The following CSMD1 variants were observed in gnomAD, a reference collection of about 807,000 sequenced individuals.
The protein encoded by CSMD1 is CUB and sushi domain-containing protein 1.
A neutral mutation model predicts 417.5 loss-of-function variants in CSMD1; 213 were observed. The ratio of observed to expected loss-of-function variants is 0.51; its 90% CI spans 0.46 to 0.57. The LOEUF is 0.57. CSMD1 is among the 20% of genes least tolerant of loss of function. The pLI, the probability that CSMD1 is intolerant of heterozygous loss-of-function variation, is 0.00. For synonymous variants in CSMD1, 2,862 were observed against 1,736.8 expected (o/e 1.65, Z -16.11); for missense variants, 6,923 against 4,529.7 (o/e 1.53, Z -15.17).
intron 29 of CSMD1, among the ~76,000 whole-genome samples, chr8:3,217,917 A>T (rs891344474): frequency 1.3e-5 from 2 of 152,190 alleles, no homozygotes; most frequent in Non-Finnish European, 1.5e-5. Context: ...TTCATTTTTT[A>T]AAGAAAACCC....
intron 1 of CSMD1, among the ~76,000 whole-genome samples, chr8:4,989,216 C>A (rs550110085): frequency 1.3e-5 from 2 of 151,842 alleles, no homozygotes; most frequent in Non-Finnish European, 2.9e-5. Context: ...TCAGTAGAGC[C>A]GAAACATCTA....
chr8:4,520,199 C>G (rs1032908242), intron 2 of CSMD1, among the ~76,000 whole-genome samples: 1 of 152,108 alleles, frequency 6.6e-6, no homozygotes, highest in Non-Finnish European at 1.5e-5. Context: ...AATGCAATAT[C>G]GTGGCAGAAA....
intron 3 of CSMD1, among the ~76,000 whole-genome samples, chr8:4,038,232 T>A (rs998615037): frequency 6.6e-6 from 1 of 152,132 alleles, no homozygotes; most frequent in African/African-American, 2.4e-5. Flanking sequence ...AAAATTTTAA[T>A]GGGAACAATG....
chr8:3,220,785 C>G (rs566283684), intron 28 of CSMD1, among the ~76,000 whole-genome samples: 3 of 152,242 alleles, frequency 2.0e-5, no homozygotes, highest in East Asian at 3.9e-4. Flanking sequence ...GAGTCAAGAT[C>G]ACGCCACTGC....
intron 10 of CSMD1, among the ~76,000 whole-genome samples, chr8:3,548,659 T>TAC (rs146360407): frequency 0.11 from 14,260 of 132,906 alleles, 808 homozygotes; most frequent in South Asian, 0.17. Context: ...TATTCCATCA[T>TAC]ACACACACAC....
chr8:4,560,719 GT>G (rs1307616938), intron 2 of CSMD1, among the ~76,000 whole-genome samples: 2 of 152,298 alleles, frequency 1.3e-5, no homozygotes, highest in South Asian at 2.1e-4. Flanking sequence ...CAACACTGTG[GT>G]TTGAGACTCT....
At chr8:4,955,638 T>A (rs780973320) in intron 1 of CSMD1, among the ~76,000 whole-genome samples, 1 of 152,088 alleles carries the variant, frequency 6.6e-6, no homozygotes, top group Non-Finnish European at 1.5e-5. Context: ...GTATTTTTAA[T>A]AGAGACGGGC....
chr8:4,735,737 G>C (rs1198934182), intron 1 of CSMD1, among the ~76,000 whole-genome samples: 2 of 152,074 alleles, frequency 1.3e-5, no homozygotes, highest in Non-Finnish European at 1.5e-5. Flanking sequence ...CCTAATAAGA[G>C]AAAAGGACTG....
intron 3 of CSMD1, among the ~76,000 whole-genome samples, chr8:4,411,997 T>C (rs1796674523): frequency 7.0e-6 from 1 of 143,020 alleles, no homozygotes; most frequent in Non-Finnish European, 1.5e-5. Context: ...AGGGTGTGTG[T>C]GTGTGTGTGT....
At chr8:3,923,170 T>C (rs911699412) in intron 5 of CSMD1, among the ~76,000 whole-genome samples, 5 of 151,990 alleles carry the variant, frequency 3.3e-5, no homozygotes, top group African/African-American at 1.2e-4. Flanking sequence ...TCATGAGACC[T>C]CTCCTCATCA....
intron 7 of CSMD1, among the ~76,000 whole-genome samples, chr8:3,690,122 G>T (rs1800158119): frequency 6.6e-6 from 1 of 152,304 alleles, no homozygotes; most frequent in Admixed American, 6.5e-5. Context: ...ACTTTAGGAG[G>T]CTGAGACCGG....
chr8:3,681,185 C>T (rs1463780216), intron 7 of CSMD1, among the ~76,000 whole-genome samples: 4 of 152,056 alleles, frequency 2.6e-5, no homozygotes, highest in Admixed American at 2.6e-4. Context: ...GAAGTTCTGG[C>T]CAGGGCAATT....
chr8:3,301,414 T>G (rs1302565252), intron 25 of CSMD1, among the ~76,000 whole-genome samples: 1 of 152,062 alleles, frequency 6.6e-6, no homozygotes, highest in East Asian at 1.9e-4. Context: ...GGTCTTGACA[T>G]GTGGATATGA....
At chr8:4,460,284 G>C (rs955759320) in intron 2 of CSMD1, among the ~76,000 whole-genome samples, 2 of 151,960 alleles carry the variant, frequency 1.3e-5, no homozygotes, top group African/African-American at 4.8e-5. Flanking sequence ...AAAATAATAT[G>C]AACGAAAATG....
intron 52 of CSMD1, among the ~76,000 whole-genome samples, chr8:3,014,351 G>C (rs1026524352): frequency 6.6e-6 from 1 of 152,124 alleles, no homozygotes; most frequent in Non-Finnish European, 1.5e-5. Flanking sequence ...AATATGCTTG[G>C]GTATCTGCTC....
At chr8:4,296,444 G>A (rs1239937010) in intron 3 of CSMD1, among the ~76,000 whole-genome samples, 3 of 152,026 alleles carry the variant, frequency 2.0e-5, no homozygotes, top group Admixed American at 1.3e-4. Context: ...CATGGCATTT[G>A]GACTCATGGC....
At chr8:4,624,930 G>A (rs776891425) in intron 2 of CSMD1, among the ~76,000 whole-genome samples, 2 of 152,100 alleles carry the variant, frequency 1.3e-5, no homozygotes, top group Non-Finnish European at 2.9e-5. Context: ...GTGTGCTCCT[G>A]GTAGAGAACA....
At chr8:2,992,025 C>G (rs964159149) in intron 54 of CSMD1, among the ~76,000 whole-genome samples, 1 of 152,158 alleles carries the variant, frequency 6.6e-6, no homozygotes. Flanking sequence ...TGAGAAACAA[C>G]CAGCTTCTTA....
At chr8:3,988,465 C>T (rs993020688) in intron 5 of CSMD1, among the ~76,000 whole-genome samples, 3 of 152,218 alleles carry the variant, frequency 2.0e-5, no homozygotes, top group African/African-American at 7.2e-5. Context: ...TAACCTCTCA[C>T]AGCTCAGGCT....
Sources: allele counts gnomAD v4.1 joint callset (sites outside exome capture counted in the v4.1 genomes callset), GRCh38; gene constraint gnomAD v4.1.1; transcripts MANE v1.5; gene names NCBI Gene and HGNC (gene_info 2026-07-23, HGNC 2026-07-21).